TSG101: variants seen among roughly 807,000 people sequenced by gnomAD.
TSG101 encodes tumor susceptibility gene 101 protein.
Under a neutral mutation model 48.5 loss-of-function variants are expected in TSG101, and 19 were observed. The ratio of observed to expected loss-of-function variants is 0.39; its 90% CI spans 0.27 to 0.58. The LOEUF is 0.58. Among genes scored for constraint, TSG101 ranks in the 20% least tolerant of loss-of-function variants. TSG101 has a pLI of 0.55. For missense variants in TSG101, 365 were observed against 484.4 expected (o/e 0.75, Z 2.31); for synonymous variants, 174 against 169.4 (o/e 1.03, Z -0.21).
At chr11:18,498,235 G>A (rs1849814718) in intron 7 of TSG101, among the ~76,000 whole-genome samples, 1 of 152,300 alleles carries the variant, frequency 6.6e-6, no homozygotes, top group African/African-American at 2.4e-5. Flanking sequence ...ATCATGTAGG[G>A]CCTTCTGGGC....
intron 7 of TSG101, among the ~76,000 whole-genome samples, chr11:18,489,911 A>T (rs938415292): frequency 6.6e-6 from 1 of 152,250 alleles, no homozygotes; most frequent in African/African-American, 2.4e-5. Context: ...AAAAAGTTAC[A>T]CATAATTCAG....
At position 18,520,478 on chromosome 11, in the gene TSG101, G is replaced by C. The variant is rs540280946; in HGVS notation, c.43-875C>G. Among the ~76,000 whole-genome samples, 371 of 152,276 alleles carry C rather than the reference G, an allele frequency of 2.4e-3. 1 individual carries two copies. Among genetic ancestry groups the C allele is most frequent in the Non-Finnish European group, 4.1e-3 (280 of 68,032 alleles). ...GACCTCAAGCAATCCTCCTGCCTCA[G>C]GCTCCCAAAGTGTTGGGATTTACAG... On this transcript the variant is annotated intron_variant, in intron 1 of 9. Coordinates refer to ENST00000251968, the MANE Select transcript of TSG101 (RefSeq NM_006292.4).
intron 7 of TSG101, among the ~76,000 whole-genome samples, chr11:18,501,956 G>A (rs1590279021): frequency 6.6e-6 from 1 of 152,324 alleles, no homozygotes; most frequent in African/African-American, 2.4e-5. Context: ...ACAGGGAGAA[G>A]GCAGATATGG....
intron 4 of TSG101, among the ~76,000 whole-genome samples, chr11:18,513,453 G>A (rs1170421315): frequency 6.6e-6 from 1 of 151,840 alleles, no homozygotes; most frequent in African/African-American, 2.4e-5. Flanking sequence ...ACACCACCAT[G>A]CCAAGGTTTT....
intron 2 of TSG101, among the ~76,000 whole-genome samples, chr11:18,517,628 AC>A (rs1850201653): frequency 6.6e-6 from 1 of 152,198 alleles, no homozygotes; most frequent in Admixed American, 6.5e-5. Context: ...TTGTGTTACA[AC>A]TGCCTATGGT....
At chr11:18,524,628 C>G (rs1850335756) in intron 1 of TSG101, among the ~76,000 whole-genome samples, 1 of 152,186 alleles carries the variant, frequency 6.6e-6, no homozygotes, top group Admixed American at 6.5e-5. Context: ...TAATCACATA[C>G]AGGAGTCTCA....
chr11:18,516,219 A>T, intron 2 of TSG101, 55 bp from the exon 3 acceptor site: 1 of 1,497,702 alleles, frequency 6.7e-7, no homozygotes, highest in Non-Finnish European at 9.3e-7. Flanking sequence ...TACTCCCATA[A>T]GTTATTCTTT....
chr11:18,503,662 G>A lies in TSG101; in HGVS notation c.549-1085C>T, dbSNP rs151138951. ...GCTGGGATTACAGCTGTGAGCCACCGCACCCAGCCCTAACTATTCTTAATT... is the reference window on the plus strand; with the variant it reads ...GCTGGGATTACAGCTGTGAGCCACCACACCCAGCCCTAACTATTCTTAATT... On this transcript the variant is annotated intron_variant, in intron 6 of 9. Coordinates refer to ENST00000251968, the MANE Select transcript of TSG101 (RefSeq NM_006292.4). 1.7e-3 allele frequency among the ~76,000 whole-genome samples: 258 copies of A among 152,040 alleles called. 1 individual carries two copies. Among genetic ancestry groups the A allele is most frequent in the African/African-American group, 5.4e-3 (222 of 41,482 alleles).
At chr11:18,489,110 T>C (rs1849662679) in intron 7 of TSG101, among the ~76,000 whole-genome samples, 1 of 147,296 alleles carries the variant, frequency 6.8e-6, no homozygotes, top group Admixed American at 6.7e-5. Flanking sequence ...CAAGACTCCA[T>C]CTCAAAAAAA....
chr11:18,487,342 A>G (rs1043692432), intron 7 of TSG101, among the ~76,000 whole-genome samples: 2 of 152,044 alleles, frequency 1.3e-5, no homozygotes, highest in Non-Finnish European at 2.9e-5. Context: ...CATAATTACC[A>G]TAATTCAATC....
At chr11:18,505,835 TGAGA>T (rs1392376307) in intron 6 of TSG101, among the ~76,000 whole-genome samples, 1 of 152,140 alleles carries the variant, frequency 6.6e-6, no homozygotes, top group African/African-American at 2.4e-5. Context: ...TTTGTTTGTT[TGAGA>T]GAGAGTTTTG....
intron 1 of TSG101, chr11:18,525,540 TAAAAAAAAAAA>T (rs756622322): frequency 9.0e-6 from 1 of 110,560 alleles, no homozygotes; most frequent in African/African-American, 5.1e-5. Context: ...AGCAAGACTC[TAAAAAAAAAAA>T]AAAAAAAAAA....
intron 6 of TSG101, among the ~76,000 whole-genome samples, chr11:18,504,497 T>G (rs1849937970): frequency 6.6e-6 from 1 of 152,214 alleles, no homozygotes; most frequent in Non-Finnish European, 1.5e-5. Context: ...GTACTTTTGT[T>G]TCTAGTCTCT....
chr11:18,492,397 A>G (rs1440866573), intron 7 of TSG101, among the ~76,000 whole-genome samples: 3 of 152,236 alleles, frequency 2.0e-5, no homozygotes, highest in Admixed American at 1.3e-4. Flanking sequence ...ACATAAACAC[A>G]TCAACATACT....
chr11:18,483,495 A>ATCTC (rs1849576176), intron 8 of TSG101, among the ~76,000 whole-genome samples: 6 of 111,382 alleles, frequency 5.4e-5, no homozygotes, highest in African/African-American at 1.4e-4. Context: ...AACTCTCAAA[A>ATCTC]AAAAAAAAAA....
chr11:18,480,486 G>C lies in TSG101; in HGVS notation c.*60C>G. The C allele has an allele frequency of 7.3e-7, 1 of 1,370,156 alleles. No homozygotes were observed. The highest frequency in any genetic ancestry group is 1.0e-6 in the Non-Finnish European group (1 of 976,714). 84.9% of individuals were successfully genotyped at this position (1,370,156 alleles called of 1,614,324 possible). ...CAATAACTTATTCTGGGCACCTACT[G>C]ATAAAAGGAAGAGAAGAATACTTTA... On this transcript the variant is annotated 3_prime_UTR_variant, in exon 10 of 10. Coordinates refer to ENST00000251968, the MANE Select transcript of TSG101 (RefSeq NM_006292.4).
chr11:18,496,402 A>G (rs1849777783), intron 7 of TSG101, among the ~76,000 whole-genome samples: 1 of 150,816 alleles, frequency 6.6e-6, no homozygotes, highest in South Asian at 2.1e-4. Flanking sequence ...AGATCATGCC[A>G]CTGCACTCCA....
chr11:18,484,755 G>A (rs758323726), intron 7 of TSG101, among the ~76,000 whole-genome samples: 1 of 152,020 alleles, frequency 6.6e-6, no homozygotes, highest in Non-Finnish European at 1.5e-5. Flanking sequence ...AACATCCTCT[G>A]GATATTTTCT....
rs1468612947 is a variant in TSG101, at chr11:18,517,189, T to TA, written c.128-1026_128-1025insT. 5.3e-5 allele frequency among the ~76,000 whole-genome samples: 8 copies of TA among 151,992 alleles called. No individual in the cohort carries two copies. The East Asian group carries it at 1.6e-3, about 29-fold the overall frequency. ...GGCGTGCACTACCATGCCCAGCTTT[T>TA]TTTTTTTTTAGAAATGGGGTCTAAG... On this transcript the variant is annotated intron_variant, in intron 2 of 9. Coordinates refer to ENST00000251968, the MANE Select transcript of TSG101 (RefSeq NM_006292.4).
Sources: gnomAD v4.1 joint callset for allele counts (sites outside exome capture counted in the v4.1 genomes callset) on GRCh38, gnomAD v4.1.1 for gene constraint, MANE v1.5 for transcripts, NCBI Gene and HGNC (gene_info 2026-07-23, HGNC 2026-07-21) for gene names.